The following AUTS2 variants were observed in gnomAD, a reference collection of about 807,000 sequenced individuals.
AUTS2 encodes autism susceptibility gene 2 protein.
A neutral mutation model predicts 112.4 loss-of-function variants in AUTS2; 17 were observed. That is an observed-to-expected ratio of 0.15 (90% CI 0.10 to 0.23). The LOEUF is 0.23. Among genes scored for constraint, AUTS2 ranks in the 10% least tolerant of loss-of-function variants. AUTS2 has a pLI of 1.00. For synonymous variants in AUTS2, 751 were observed against 702.7 expected (o/e 1.07, Z -1.09); for missense variants, 1,510 against 1,701.6 (o/e 0.89, Z 1.98).
chr7:70,497,753 G>A (rs900775265), intron 5 of AUTS2, among the ~76,000 whole-genome samples: 11 of 152,152 alleles, frequency 7.2e-5, no homozygotes, highest in Admixed American at 5.9e-4. Context: ...GAGGTCCTGT[G>A]TTATTAATCC....
At chr7:69,719,603 G>A (rs1798809026) in intron 1 of AUTS2, among the ~76,000 whole-genome samples, 1 of 152,204 alleles carries the variant, frequency 6.6e-6, no homozygotes, top group South Asian at 2.1e-4. Flanking sequence ...GCAATGGACT[G>A]CCTGCTATGG....
intron 2 of AUTS2, among the ~76,000 whole-genome samples, chr7:69,918,597 CTT>C (rs1187655583): frequency 4.6e-5 from 7 of 151,988 alleles, no homozygotes; most frequent in South Asian, 2.1e-4. Context: ...ATTGTGTAGA[CTT>C]TGTGAGGATT....
At chr7:70,258,260 T>C (rs2129606366) in intron 4 of AUTS2, among the ~76,000 whole-genome samples, 1 of 152,224 alleles carries the variant, frequency 6.6e-6, no homozygotes, top group Admixed American at 6.5e-5. Context: ...GTAACAACTG[T>C]AGAGGTCAAG....
chr7:70,625,198 CT>C lies in AUTS2; in HGVS notation c.691-73370del, dbSNP rs745347781. Among the ~76,000 whole-genome samples, 263 of 152,278 alleles carry C rather than the reference CT, an allele frequency of 1.7e-3. 1 individual carries two copies. The highest frequency in any genetic ancestry group is 3.0e-3 in the Non-Finnish European group (206 of 68,026). On this transcript the variant is annotated intron_variant, in intron 5 of 18. Transcript: ENST00000342771. ...TTCTCTTGTAGTACATTTTATCCAA[CT>C]AGGGGGTCATCTCTGTTCTCTGCAC...
chr7:70,488,945 C>A (rs533661406), intron 5 of AUTS2, among the ~76,000 whole-genome samples: 2 of 152,302 alleles, frequency 1.3e-5, no homozygotes, highest in Admixed American at 6.5e-5. Flanking sequence ...GAAAAGTTCC[C>A]ATTTTCTTCA....
Position 70,474,592 on chromosome 7 carries a change from G to A in AUTS2, c.690+38811G>A, listed in dbSNP as rs77927972. ...AAATATAAGTATAACTGCCCACAGAGGCATATAAAACTCCTTTCCATTTAC... is the reference window on the plus strand; with the variant it reads ...AAATATAAGTATAACTGCCCACAGAAGCATATAAAACTCCTTTCCATTTAC... On this transcript the variant is annotated intron_variant, in intron 5 of 18. Coordinates refer to ENST00000342771, the MANE Select transcript of AUTS2 (RefSeq NM_015570.4). 8.1e-4 allele frequency among the ~76,000 whole-genome samples: 123 copies of A among 152,242 alleles called. 2 individuals carry two copies. The East Asian group carries it at 0.023, about 29-fold the overall frequency.
chr7:70,307,154 A>G (rs1307393369), intron 4 of AUTS2, among the ~76,000 whole-genome samples: 1 of 152,234 alleles, frequency 6.6e-6, no homozygotes, highest in Non-Finnish European at 1.5e-5. Context: ...TAAATATGAA[A>G]CATAATCATG....
intron 4 of AUTS2, among the ~76,000 whole-genome samples, chr7:70,317,847 T>A (rs1480413814): frequency 6.6e-6 from 1 of 152,186 alleles, no homozygotes; most frequent in African/African-American, 2.4e-5. Context: ...ATGTAGGAGA[T>A]GCTTAGTACA....
At chr7:69,965,206 G>A (rs572927919) in intron 2 of AUTS2, among the ~76,000 whole-genome samples, 4 of 151,896 alleles carry the variant, frequency 2.6e-5, no homozygotes, top group East Asian at 2.0e-4. Context: ...CTGTCCCCAC[G>A]GCTATAATGA....
intron 4 of AUTS2, among the ~76,000 whole-genome samples, chr7:70,223,178 C>T (rs891070541): frequency 7.2e-5 from 11 of 151,980 alleles, no homozygotes; most frequent in Admixed American, 1.3e-4. Context: ...TGAGCCACTG[C>T]GCCTGGCTGA....
At chr7:70,167,790 G>A (rs763258950) in intron 4 of AUTS2, among the ~76,000 whole-genome samples, 6 of 152,208 alleles carry the variant, frequency 3.9e-5, no homozygotes, top group Non-Finnish European at 8.8e-5. Context: ...TTGGAAATTC[G>A]ATAACATACT....
intron 5 of AUTS2, among the ~76,000 whole-genome samples, chr7:70,505,487 A>C (rs1371371795): frequency 6.6e-6 from 1 of 152,204 alleles, no homozygotes; most frequent in East Asian, 1.9e-4. Flanking sequence ...AAAGTGTCCT[A>C]ATGGAAAGGG....
At chr7:69,942,702 G>C (rs1796672271) in intron 2 of AUTS2, among the ~76,000 whole-genome samples, 2 of 152,188 alleles carry the variant, frequency 1.3e-5, no homozygotes, top group African/African-American at 4.8e-5. Flanking sequence ...AAGTCATCTT[G>C]ACAGTGGCAA....
At chr7:70,313,812 A>G (rs1789868605) in intron 4 of AUTS2, among the ~76,000 whole-genome samples, 1 of 152,204 alleles carries the variant, frequency 6.6e-6, no homozygotes, top group South Asian at 2.1e-4. Flanking sequence ...AGGGCATGGC[A>G]TGGAATTCAT....
intron 1 of AUTS2, among the ~76,000 whole-genome samples, chr7:69,850,397 T>A (rs1408105808): frequency 4.9e-5 from 1 of 20,320 alleles, no homozygotes; most frequent in South Asian, 2.2e-3. Flanking sequence ...AAACTCTGTC[T>A]CAAAAAAAAA....
chr7:70,772,594 A>G (rs1205025686), intron 11 of AUTS2, among the ~76,000 whole-genome samples: 2 of 152,204 alleles, frequency 1.3e-5, no homozygotes, highest in Non-Finnish European at 2.9e-5. Context: ...TTCCAGGATA[A>G]GCACATAACT....
At chr7:70,377,131 G>A (rs1479064224) in intron 4 of AUTS2, among the ~76,000 whole-genome samples, 1 of 151,284 alleles carries the variant, frequency 6.6e-6, no homozygotes, top group Non-Finnish European at 1.5e-5. Context: ...TTAAGTACCT[G>A]TAGTCCAGGG....
intron 1 of AUTS2, among the ~76,000 whole-genome samples, chr7:69,801,702 T>A (rs1790092112): frequency 6.6e-6 from 1 of 152,192 alleles, no homozygotes. Flanking sequence ...TTTTGTTGAT[T>A]GTTTGATATA....
At chr7:70,121,015 G>A (rs1182831141) in intron 3 of AUTS2, among the ~76,000 whole-genome samples, 1 of 152,132 alleles carries the variant, frequency 6.6e-6, no homozygotes, top group East Asian at 1.9e-4. Flanking sequence ...GACCAATGGA[G>A]TAGAATGGAG....
Sources: gnomAD v4.1 joint callset for allele counts (sites outside exome capture counted in the v4.1 genomes callset) on GRCh38, gnomAD v4.1.1 for gene constraint, MANE v1.5 for transcripts, NCBI Gene and HGNC (gene_info 2026-07-23, HGNC 2026-07-21) for gene names.